The following PRELID2 variants were observed in gnomAD, a reference collection of about 807,000 sequenced individuals.
PRELID2 encodes the protein PRELI domain containing 2.
PRELID2 carries 25 observed loss-of-function variants against 28.4 expected under a neutral mutation model. That is an observed-to-expected ratio of 0.88 (90% confidence interval 0.64 to 1.23). The LOEUF is 1.23. PRELID2 is among the 50% of genes most tolerant of loss of function. PRELID2 has a pLI of 0.00. For missense variants in PRELID2, 201 were observed against 214.4 expected, an observed-to-expected ratio of 0.94 and a Z score of 0.39; for synonymous variants, 76 against 71.6, an observed-to-expected ratio of 1.06 and a Z score of -0.31.
intron 1 of PRELID2, among the ~76,000 whole-genome samples, chr5:145,656,804 T>G: frequency 6.6e-6 from 1 of 150,818 alleles, no homozygotes; most frequent in Admixed American, 6.6e-5. Context: ...CTAATGTAAA[T>G]GGCAAGTTAA....
chr5:145,731,755 A>G (rs1756353127), intron 1 of PRELID2, among the ~76,000 whole-genome samples: 1 of 152,188 alleles, frequency 6.6e-6, no homozygotes, highest in Non-Finnish European at 1.5e-5. Context: ...GGCACAGGCC[A>G]TAAAGGTCTA....
chr5:145,661,630 G>T (rs560697309), intron 1 of PRELID2, among the ~76,000 whole-genome samples: 1 of 141,588 alleles, frequency 7.1e-6, no homozygotes, highest in Non-Finnish European at 1.5e-5. Flanking sequence ...TCACACCGTG[G>T]ACATGATTCC....
intron 1 of PRELID2, among the ~76,000 whole-genome samples, chr5:145,490,874 C>T (rs1339335775): frequency 2.6e-5 from 4 of 152,080 alleles, no homozygotes; most frequent in South Asian, 2.1e-4. Context: ...CTTTGGTATA[C>T]GGGACAGTTT....
chr5:145,539,526 T>G (rs1057099758), intron 1 of PRELID2, among the ~76,000 whole-genome samples: 1 of 151,984 alleles, frequency 6.6e-6, no homozygotes, highest in Non-Finnish European at 1.5e-5. Flanking sequence ...TATCTCACCC[T>G]GTTTTTTTCC....
intron 1 of PRELID2, among the ~76,000 whole-genome samples, chr5:145,829,139 G>A (rs983783087): frequency 6.6e-6 from 1 of 152,048 alleles, no homozygotes; most frequent in Non-Finnish European, 1.5e-5. Context: ...AGGCTCAAGT[G>A]ATCAACCCAA....
At chr5:145,280,991 T>A in the PRELID2 span, among the ~76,000 whole-genome samples, 1 of 152,140 alleles carries the variant, frequency 6.6e-6, no homozygotes, top group South Asian at 2.1e-4. Context: ...AACAGCAGTA[T>A]CTAGATGCTC....
intron 1 of PRELID2, among the ~76,000 whole-genome samples, chr5:145,563,683 G>T (rs1262296760): frequency 6.6e-6 from 1 of 152,134 alleles, no homozygotes; most frequent in African/African-American, 2.4e-5. Flanking sequence ...GACGCAAAAA[G>T]AAAAATACTG....
intron 1 of PRELID2, among the ~76,000 whole-genome samples, chr5:145,582,025 T>C (rs1561510203): frequency 6.6e-6 from 1 of 152,078 alleles, no homozygotes; most frequent in Non-Finnish European, 1.5e-5. Flanking sequence ...GGGACAGTCC[T>C]AATTTTGTGT....
chr5:145,494,915 A>G (rs1038350725), intron 1 of PRELID2, among the ~76,000 whole-genome samples: 1 of 152,214 alleles, frequency 6.6e-6, no homozygotes, highest in Non-Finnish European at 1.5e-5. Flanking sequence ...TTCAGATGTC[A>G]TGCTGCTGTT....
At chr5:145,514,237 C>T (rs768219527) in intron 1 of PRELID2, among the ~76,000 whole-genome samples, 35 of 149,292 alleles carry the variant, frequency 2.3e-4, no homozygotes, top group Non-Finnish European at 4.6e-4. Context: ...GTGCTGTATT[C>T]GGGAGACTCA....
At chr5:145,422,932 TG>T in the PRELID2 span, among the ~76,000 whole-genome samples, 2 of 151,820 alleles carry the variant, frequency 1.3e-5, no homozygotes, top group Admixed American at 6.6e-5. Context: ...GCAGGCCTGG[TG>T]GTGACAAAAT....
chr5:145,236,833 G>T, the PRELID2 span, among the ~76,000 whole-genome samples: 1 of 152,038 alleles, frequency 6.6e-6, no homozygotes, highest in African/African-American at 2.4e-5. Context: ...TAAACTTCCT[G>T]ACAACCTCTT....
chr5:145,656,756 G>A (rs1016173551), intron 1 of PRELID2, among the ~76,000 whole-genome samples: 2 of 124,914 alleles, frequency 1.6e-5, no homozygotes, highest in African/African-American at 5.8e-5. Flanking sequence ...CTGTCATGGG[G>A]TGGGGGGAGG....
At chr5:145,399,815 T>G in the PRELID2 span, among the ~76,000 whole-genome samples, 5 of 152,082 alleles carry the variant, frequency 3.3e-5, no homozygotes, top group Non-Finnish European at 5.9e-5. Flanking sequence ...AAGTCACATC[T>G]TACGTAGATG....
chr5:145,457,695 C>T, the PRELID2 span, among the ~76,000 whole-genome samples: 38 of 152,282 alleles, frequency 2.5e-4, no homozygotes, highest in Non-Finnish European at 5.0e-4. Context: ...ACTTTTCTAC[C>T]TCCAAAGCTT....
chr5:145,500,360 T>G (rs1319491342), intron 1 of PRELID2, among the ~76,000 whole-genome samples: 1 of 152,094 alleles, frequency 6.6e-6, no homozygotes, highest in East Asian at 1.9e-4. Context: ...CCTTCCACCG[T>G]GATTGTAAGT....
the PRELID2 span, among the ~76,000 whole-genome samples, chr5:145,294,792 T>C: frequency 2.0e-5 from 3 of 152,170 alleles, no homozygotes; most frequent in Non-Finnish European, 2.9e-5. Flanking sequence ...TTTAATGCCA[T>C]ATTTCCCTGA....
chr5:145,655,348 C>G (rs1175445570), intron 1 of PRELID2, among the ~76,000 whole-genome samples: 3 of 152,096 alleles, frequency 2.0e-5, no homozygotes, highest in South Asian at 4.1e-4. Context: ...AGATTCAATG[C>G]CATCCCCATC....
intron 1 of PRELID2, among the ~76,000 whole-genome samples, chr5:145,736,404 A>G (rs1756498738): frequency 6.9e-6 from 1 of 144,428 alleles, no homozygotes; most frequent in South Asian, 2.2e-4. Context: ...AGCTCTATCT[A>G]AGACAGTGAC....
Sources: allele counts gnomAD v4.1 joint callset (sites outside exome capture counted in the v4.1 genomes callset), GRCh38; gene constraint gnomAD v4.1.1; transcripts MANE v1.5; gene names NCBI Gene and HGNC (gene_info 2026-07-23, HGNC 2026-07-21).